Variants in BRD1 observed in about 807,000 individuals in gnomAD.
BRD1 encodes the protein bromodomain-containing protein 1.
In BRD1, 24 loss-of-function variants were observed where a neutral mutation model predicts 107.7. The ratio of observed to expected loss-of-function variants is 0.22; its 90% CI spans 0.16 to 0.31. BRD1 has a LOEUF of 0.31. Among genes scored for constraint, BRD1 ranks in the 10% least tolerant of loss-of-function variants. The pLI is 1.00. For synonymous variants in BRD1, 744 were observed against 686.1 expected (o/e 1.08, Z -1.32); for missense variants, 1,279 against 1,638.6 (o/e 0.78, Z 3.79).
At chr22:49,809,548 A>AATATATAT (rs113075185) in intron 2 of BRD1, among the ~76,000 whole-genome samples, 2 of 147,792 alleles carry the variant, frequency 1.4e-5, no homozygotes, top group African/African-American at 5.0e-5. Flanking sequence ...CTCCAAAAAA[A>AATATATAT]ATATATATAT....
intron 7 of BRD1, among the ~76,000 whole-genome samples, chr22:49,791,469 G>A (rs752354119): frequency 3.0e-4 from 46 of 152,352 alleles, no homozygotes; most frequent in Admixed American, 7.8e-4. Context: ...TGCCATTGAG[G>A]AATTACTCTT....
intron 3 of BRD1, among the ~76,000 whole-genome samples, chr22:49,802,014 C>A (rs542786881): frequency 6.6e-6 from 1 of 152,364 alleles, no homozygotes; most frequent in South Asian, 2.1e-4. Context: ...ATGGAATCTG[C>A]CCTTCAACAG....
chr22:49,796,976 T>C (rs2059546465), intron 6 of BRD1, among the ~76,000 whole-genome samples: 1 of 152,228 alleles, frequency 6.6e-6, no homozygotes, highest in Non-Finnish European at 1.5e-5. Flanking sequence ...ATGGGACCTT[T>C]AGACAAATAA....
chr22:49,807,554 T>A (rs2059769460), intron 2 of BRD1, among the ~76,000 whole-genome samples: 1 of 152,176 alleles, frequency 6.6e-6, no homozygotes, highest in Non-Finnish European at 1.5e-5. Context: ...GACAAGTGGA[T>A]ATGGCCATGC....
At chr22:49,790,256 T>C (rs1006584559) in intron 7 of BRD1, among the ~76,000 whole-genome samples, 2 of 152,124 alleles carry the variant, frequency 1.3e-5, no homozygotes, top group Non-Finnish European at 2.9e-5. Context: ...AAACAGGACC[T>C]GAGCCTCCAG....
chr22:49,777,537 C>T, intron 9 of BRD1, 141 bp downstream of exon 9: 3 of 1,152,088 alleles, frequency 2.6e-6, no homozygotes, highest in Non-Finnish European at 3.6e-6. Flanking sequence ...TCCACAAGGG[C>T]AGAGCACACA....
At chr22:49,798,727 C>T (rs776090903) in intron 4 of BRD1, 41 bp from the exon 5 acceptor site, 7 of 1,528,350 alleles carry the variant, frequency 4.6e-6, no homozygotes, top group Middle Eastern at 1.8e-4. Context: ...GGGAGCCGCA[C>T]ATGCGTCTCA....
At chr22:49,811,847 A>G (rs2059856275) in intron 2 of BRD1, among the ~76,000 whole-genome samples, 1 of 152,222 alleles carries the variant, frequency 6.6e-6, no homozygotes, top group Non-Finnish European at 1.5e-5. Flanking sequence ...GGCGGTGCTG[A>G]GTCTCCCAAT....
intron 8 of BRD1, among the ~76,000 whole-genome samples, chr22:49,781,083 C>T (rs980439093): frequency 7.2e-5 from 11 of 152,292 alleles, no homozygotes; most frequent in Admixed American, 6.5e-5. Flanking sequence ...AGGAAAGAGC[C>T]GCTGCCCCAT....
At chr22:49,784,529 C>T (rs1295514394) in intron 8 of BRD1, among the ~76,000 whole-genome samples, 1 of 152,264 alleles carries the variant, frequency 6.6e-6, no homozygotes, top group South Asian at 2.1e-4. Flanking sequence ...CCGCGGGCGA[C>T]ACGGGCAGGA....
At chr22:49,799,571 T>C (rs919677353) in intron 3 of BRD1, among the ~76,000 whole-genome samples, 1 of 152,220 alleles carries the variant, frequency 6.6e-6, no homozygotes. Context: ...GCTGGGCCCA[T>C]CCTGGCTTGG....
rs774051969 is a variant in BRD1, at chr22:49,823,950, C to A, written c.368G>T (p.Arg123Leu). The change falls in exon 2 of 13, where the codon CGC becomes CTC. Residue 123 changes from arginine to leucine, a missense_variant. Coordinates refer to ENST00000404760, the MANE Select transcript of BRD1 (RefSeq NM_001304808.3). ...SASALPEPKV[R>L]IVEYSPPSAP... ...GGACGGAGGGCTGTACTCCACGATG[C>A]GCACCTTGGGCTCCGGGAGGGCACT... is the stretch of plus-strand genomic sequence containing the variant. 2 of 1,614,026 alleles carry A rather than the reference C, an allele frequency of 1.2e-6. No individual in the cohort carries two copies. The highest frequency in any genetic ancestry group is 1.7e-6 in the Non-Finnish European group (2 of 1,180,040).
Position 49,787,816 on chromosome 22 carries a change from C to G in BRD1, c.2431G>C (p.Glu811Gln). 6.4e-7 allele frequency: 1 copy of G among 1,550,770 alleles called. No homozygotes were observed. Among genetic ancestry groups the G allele is most frequent in the African/African-American group, 1.4e-5 (1 of 73,170 alleles). ...PLPSNSETNSEPPTLKPVELN... is the reference protein window; with the variant it reads ...PLPSNSETNSQPPTLKPVELN... ...TCTACTGGTTTGAGGGTTGGTGGTT[C>G]TGAATTAGTCTCCGAGTTTGAAGGA... is the stretch of plus-strand genomic sequence containing the variant. Residue 811 changes from glutamate (E) to glutamine (Q), a missense_variant, in exon 8 of 13, where the codon GAA (glutamate) becomes CAA (glutamine). Coordinates refer to ENST00000404760, the MANE Select transcript of BRD1 (RefSeq NM_001304808.3).
At position 49,809,548 on chromosome 22, in the gene BRD1, A is replaced by AAAT. The variant is rs376173597; in HGVS notation, c.1368-5189_1368-5188insATT. ...GGAATGAGACTTCGTCTCCAAAAAA[A>AAAT]ATATATATATATATATATATGTAAT... On this transcript the variant is annotated intron_variant, in intron 2 of 12. Coordinates refer to ENST00000404760, the MANE Select transcript of BRD1 (RefSeq NM_001304808.3). Among the ~76,000 whole-genome samples the AAAT allele has an allele frequency of 2.4e-3, 360 of 147,876 alleles. 1 individual carries two copies. The highest frequency in any genetic ancestry group is 4.0e-3 in the Non-Finnish European group (265 of 67,038).
intron 6 of BRD1, among the ~76,000 whole-genome samples, chr22:49,796,152 G>A (rs766800808): frequency 8.0e-5 from 12 of 150,298 alleles, no homozygotes; most frequent in Non-Finnish European, 1.3e-4. Context: ...GTGTAGTGGC[G>A]TAATCTCGGC....
chr22:49,795,102 A>G (rs921602050), intron 6 of BRD1, among the ~76,000 whole-genome samples: 3 of 152,230 alleles, frequency 2.0e-5, no homozygotes, highest in Non-Finnish European at 2.9e-5. Context: ...CTGAATAAAT[A>G]AAGTAGTAGA....
chr22:49,826,625 G>A (rs1569146485), intron 1 of BRD1, among the ~76,000 whole-genome samples: 1 of 152,218 alleles, frequency 6.6e-6, no homozygotes, highest in Admixed American at 6.5e-5. Flanking sequence ...CGGGCCTCTC[G>A]GTCAAGGCCA....
At chr22:49,818,389 A>G in intron 2 of BRD1, 1 of 1,187,558 alleles carries the variant, frequency 8.4e-7, no homozygotes, top group Non-Finnish European at 1.1e-6. Flanking sequence ...TGAACCTAGG[A>G]GTTTTGTTAA....
intron 9 of BRD1, 120 bp from the exon 10 acceptor site, chr22:49,777,281 G>T: frequency 6.8e-7 from 1 of 1,463,392 alleles, no homozygotes; most frequent in South Asian, 1.3e-5. Flanking sequence ...ACACCCCCGC[G>T]GCCAGACGGG....
Sources: allele counts gnomAD v4.1 joint callset (sites outside exome capture counted in the v4.1 genomes callset), GRCh38; gene constraint gnomAD v4.1.1; transcripts MANE v1.5; gene names NCBI Gene and HGNC (gene_info 2026-07-23, HGNC 2026-07-21).